GRIK1: variants seen among roughly 807,000 people sequenced by gnomAD.
GRIK1 encodes glutamate receptor ionotropic, kainate 1.
A neutral mutation model predicts 105.7 loss-of-function variants in GRIK1; 69 were observed. The ratio of observed to expected loss-of-function variants is 0.65; its 90% confidence interval spans 0.54 to 0.80. The LOEUF is 0.80. Ranked by LOEUF, GRIK1 falls within the 30% of genes least tolerant of loss-of-function variation. The pLI, the probability that GRIK1 is intolerant of heterozygous loss-of-function variation, is 0.00. For missense variants in GRIK1, 1,109 were observed against 1,167.3 expected, an observed-to-expected ratio of 0.95 and a Z score of 0.73; for synonymous variants, 438 against 431.3, an observed-to-expected ratio of 1.02 and a Z score of -0.19.
chr21:29,599,955 G>T (rs566547018), intron 7 of GRIK1, among the ~76,000 whole-genome samples: 1 of 152,018 alleles, frequency 6.6e-6, no homozygotes, highest in Non-Finnish European at 1.5e-5. Context: ...GCGTGGTGGC[G>T]CATGCTTGTA....
chr21:29,661,218 A>G (rs1222545585), intron 4 of GRIK1, among the ~76,000 whole-genome samples: 3 of 152,252 alleles, frequency 2.0e-5, no homozygotes, highest in Non-Finnish European at 4.4e-5. Context: ...ATTTGACACC[A>G]GAAAAATCCT....
intron 7 of GRIK1, among the ~76,000 whole-genome samples, chr21:29,606,612 C>T (rs1303645110): frequency 1.3e-5 from 2 of 152,074 alleles, no homozygotes. Flanking sequence ...CAAGTACACT[C>T]ACCTGCCAGA....
intron 1 of GRIK1, among the ~76,000 whole-genome samples, chr21:29,925,731 C>G (rs2071347876): frequency 6.6e-6 from 1 of 152,154 alleles, no homozygotes; most frequent in Non-Finnish European, 1.5e-5. Context: ...TACATTCCAC[C>G]TCACTTTTTG....
chr21:29,793,992 A>G (rs1232989350), intron 1 of GRIK1, among the ~76,000 whole-genome samples: 1 of 152,220 alleles, frequency 6.6e-6, no homozygotes, highest in African/African-American at 2.4e-5. Context: ...ATAATGACAT[A>G]AAGCTTGAAA....
At chr21:29,768,170 T>C (rs1283629031) in intron 1 of GRIK1, among the ~76,000 whole-genome samples, 2 of 152,196 alleles carry the variant, frequency 1.3e-5, no homozygotes, top group Non-Finnish European at 1.5e-5. Flanking sequence ...GAAGATGTTC[T>C]TCAGGAAGCC....
intron 1 of GRIK1, chr21:29,761,270 G>A (rs1169787922): frequency 6.6e-6 from 1 of 152,206 alleles, no homozygotes; most frequent in African/African-American, 2.4e-5. Flanking sequence ...ACGCTCTGAT[G>A]TGGACTTCCA....
rs192738444 is a variant in GRIK1, at chr21:29,861,484, T to G, written c.118+77899A>C. On this transcript the variant is annotated intron_variant, in intron 1 of 17. Transcript: ENST00000327783. ...CTAAGCCTGGCTGATTTTTGTATTT[T>G]TTTTGTAGAGACAGGGTTTTGTCAT... Among the ~76,000 whole-genome samples, 4 of 152,254 alleles carry G rather than the reference T, an allele frequency of 2.6e-5. No individual in the cohort carries two copies. The East Asian group carries it at 7.7e-4, about 29-fold the overall frequency.
chr21:29,613,002 T>C (rs2061763710), intron 7 of GRIK1, among the ~76,000 whole-genome samples: 2 of 152,258 alleles, frequency 1.3e-5, no homozygotes, highest in South Asian at 2.1e-4. Flanking sequence ...GCTTGAATCT[T>C]GGCTCTATCT....
chr21:29,694,112 A>G (rs2063642133), intron 1 of GRIK1, 49 bp from the exon 2 acceptor site: 2 of 762,356 alleles, frequency 2.6e-6, no homozygotes, highest in South Asian at 1.9e-5. Flanking sequence ...CATGGTTCAC[A>G]TGTAATTTTT....
At chr21:29,891,575 A>G (rs1317517619) in intron 1 of GRIK1, among the ~76,000 whole-genome samples, 3 of 152,190 alleles carry the variant, frequency 2.0e-5, no homozygotes, top group Admixed American at 6.5e-5. Flanking sequence ...ATCTGTGACC[A>G]TCTGTTCTTA....
At chr21:29,749,978 T>G (rs960936079) in intron 1 of GRIK1, among the ~76,000 whole-genome samples, 37 of 151,884 alleles carry the variant, frequency 2.4e-4, no homozygotes, top group African/African-American at 8.2e-4. Context: ...TTTATTTTTA[T>G]TTATTTATAT....
intron 14 of GRIK1, among the ~76,000 whole-genome samples, chr21:29,567,690 C>A (rs187275907): frequency 2.0e-5 from 3 of 152,154 alleles, no homozygotes; most frequent in Non-Finnish European, 4.4e-5. Flanking sequence ...AAAAATTAAC[C>A]AAAGACATAG....
At chr21:29,649,979 C>T (rs777043179) in intron 6 of GRIK1, among the ~76,000 whole-genome samples, 5 of 152,150 alleles carry the variant, frequency 3.3e-5, no homozygotes, top group African/African-American at 7.2e-5. Flanking sequence ...TCTGGTGTTC[C>T]CTCTCCCTTT....
chr21:29,734,106 G>A (rs1426159799), intron 1 of GRIK1, among the ~76,000 whole-genome samples: 3 of 152,064 alleles, frequency 2.0e-5, no homozygotes, highest in Admixed American at 6.6e-5. Context: ...ATACAAACTT[G>A]CTCCAGAACA....
chr21:29,793,208 C>T (rs556092685), intron 1 of GRIK1, among the ~76,000 whole-genome samples: 5 of 152,146 alleles, frequency 3.3e-5, no homozygotes, highest in South Asian at 2.1e-4. Flanking sequence ...AGGGTGTCTA[C>T]GAGACTAAGC....
intron 1 of GRIK1, among the ~76,000 whole-genome samples, chr21:29,804,575 CTAA>C (rs1314313553): frequency 6.6e-6 from 1 of 152,074 alleles, no homozygotes; most frequent in East Asian, 1.9e-4. Flanking sequence ...GATGTTGAGG[CTAA>C]TGTTTTTTGC....
At chr21:29,815,993 C>A (rs1017937034) in intron 1 of GRIK1, among the ~76,000 whole-genome samples, 5 of 151,968 alleles carry the variant, frequency 3.3e-5, no homozygotes, top group Non-Finnish European at 7.4e-5. Flanking sequence ...AGGAAATAAT[C>A]AACAGAGTGA....
intron 1 of GRIK1, among the ~76,000 whole-genome samples, chr21:29,757,103 T>C (rs899434994): frequency 6.6e-6 from 1 of 151,922 alleles, no homozygotes; most frequent in Non-Finnish European, 1.5e-5. Context: ...GGCAACAAGA[T>C]TGAGACTCCA....
chr21:29,566,727 G>A (rs1197690568), intron 14 of GRIK1, among the ~76,000 whole-genome samples: 6 of 152,120 alleles, frequency 3.9e-5, no homozygotes, highest in African/African-American at 1.4e-4. Context: ...TGCATATATT[G>A]ATTAATCGAA....
Sources: allele counts gnomAD v4.1 joint callset (sites outside exome capture counted in the v4.1 genomes callset), GRCh38; gene constraint gnomAD v4.1.1; transcripts MANE v1.5; gene names NCBI Gene and HGNC (gene_info 2026-07-23, HGNC 2026-07-21).